Variants in SRGAP1 observed in about 807,000 individuals in gnomAD.
SRGAP1 encodes SLIT-ROBO Rho GTPase activating protein 1.
SRGAP1 carries 43 observed loss-of-function variants against 121.9 expected under a neutral mutation model. The observed-to-expected ratio is 0.35, with a 90% CI of 0.28 to 0.46. The LOEUF is 0.46. SRGAP1 is among the 20% of genes least tolerant of loss of function. The pLI, the probability that SRGAP1 is intolerant of heterozygous loss-of-function variation, is 1.00. For missense variants in SRGAP1, 1,102 were observed against 1,350.9 expected (o/e 0.82, Z 2.89); for synonymous variants, 447 against 485.4 (o/e 0.92, Z 1.04).
At chr12:64,055,480 C>T (rs1416429052) in intron 6 of SRGAP1, among the ~76,000 whole-genome samples, 1 of 151,720 alleles carries the variant, frequency 6.6e-6, no homozygotes, top group Non-Finnish European at 1.5e-5. Flanking sequence ...CAATGCCTTT[C>T]TTCACAGAAT....
chr12:63,904,463 G>C (rs1224536224), intron 1 of SRGAP1, among the ~76,000 whole-genome samples: 2 of 152,216 alleles, frequency 1.3e-5, no homozygotes, highest in African/African-American at 4.8e-5. Context: ...GTCAGGTGTT[G>C]AGGATGGAAA....
chr12:63,990,128 C>T, intron 3 of SRGAP1, 56 bp downstream of exon 3: 2 of 1,390,504 alleles, frequency 1.4e-6, no homozygotes, highest in Non-Finnish European at 2.0e-6. Flanking sequence ...TTGTCTATAA[C>T]CAGGACTGAG....
chr12:63,900,649 C>G (rs572071544), intron 1 of SRGAP1, among the ~76,000 whole-genome samples: 3 of 151,626 alleles, frequency 2.0e-5, no homozygotes, highest in Admixed American at 6.6e-5. Flanking sequence ...GCTGTCTCTA[C>G]TAAAAACACA....
chr12:64,036,124 G>C (rs2034898376), intron 4 of SRGAP1, among the ~76,000 whole-genome samples: 1 of 152,190 alleles, frequency 6.6e-6, no homozygotes, highest in Admixed American at 6.5e-5. Context: ...GGAGATTGCA[G>C]ATGTAAAGAT....
intron 21 of SRGAP1, among the ~76,000 whole-genome samples, chr12:64,137,961 A>AAAAAAATATATAT (rs372355390): frequency 1.2e-4 from 17 of 139,680 alleles, no homozygotes; most frequent in African/African-American, 4.4e-4. Context: ...TTAAAAAAAA[A>AAAAAAATATATAT]ATATATATAT....
intron 1 of SRGAP1, among the ~76,000 whole-genome samples, chr12:63,878,239 G>A (rs1900088232): frequency 6.6e-6 from 1 of 152,156 alleles, no homozygotes; most frequent in African/African-American, 2.4e-5. Flanking sequence ...TCTGTGAAGA[G>A]CCAGGGAGCA....
intron 1 of SRGAP1, among the ~76,000 whole-genome samples, chr12:63,932,514 C>T (rs538736278): frequency 3.3e-5 from 5 of 151,974 alleles, no homozygotes; most frequent in Admixed American, 2.6e-4. Context: ...TATGCATGAC[C>T]GTCATATAGA....
chr12:63,925,951 A>G (rs2136332146), intron 1 of SRGAP1, among the ~76,000 whole-genome samples: 1 of 152,312 alleles, frequency 6.6e-6, no homozygotes, highest in East Asian at 1.9e-4. Context: ...CCTAGAATGA[A>G]AACCTTCATG....
In SRGAP1 at chr12:64,128,156, G is replaced by A; in HGVS notation, c.2836G>A (p.Gly946Ser). 1 of 1,613,892 alleles carries A rather than the reference G, an allele frequency of 6.2e-7. No homozygotes were observed. Among genetic ancestry groups the A allele is most frequent in the East Asian group, 2.2e-5 (1 of 44,856 alleles). Reference sequence around the variant, plus strand: ...GTCCACGTCATCAGGGCAATACACGGGCTTCAATGACCACAAGCCACTGGA... The same window carrying A: ...GTCCACGTCATCAGGGCAATACACGAGCTTCAATGACCACAAGCCACTGGA... ...RRSTSSGQYT[G>S]FNDHKPLDPE... Residue 946 changes from glycine (G) to serine (S), a missense_variant, in exon 21 of 22, where the codon GGC becomes AGC. Transcript: ENST00000355086.
chr12:64,147,815 TAAATAAG>T lies in SRGAP1; in HGVS notation c.*5145_*5151del. 2.5e-6 allele frequency: 1 copy of T among 397,214 alleles called. No individual in the cohort carries two copies. The highest frequency in any genetic ancestry group is 4.4e-5 in the Admixed American group (1 of 22,710). The allele number at this position is 397,214 out of a possible 1,614,324, so 24.6% of individuals were successfully genotyped here. Reference sequence around the variant, plus strand: ...TGTTCTTCACGGTGTATCTTTATAATAAATAAGATAGTTCTGGCTGCCTTTGTCTGCT... The same window carrying T: ...TGTTCTTCACGGTGTATCTTTATAATATAGTTCTGGCTGCCTTTGTCTGCT... On this transcript the variant is annotated 3_prime_UTR_variant, in exon 22 of 22. Coordinates refer to ENST00000355086, the MANE Select transcript of SRGAP1 (RefSeq NM_020762.4).
At chr12:63,880,741 G>A (rs569900807) in intron 1 of SRGAP1, among the ~76,000 whole-genome samples, 3 of 152,152 alleles carry the variant, frequency 2.0e-5, no homozygotes, top group South Asian at 2.1e-4. Flanking sequence ...ATGAATCCAC[G>A]TATTTTATTA....
intron 3 of SRGAP1, among the ~76,000 whole-genome samples, chr12:63,998,163 G>A (rs1322817572): frequency 3.9e-5 from 6 of 152,156 alleles, no homozygotes; most frequent in African/African-American, 9.6e-5. Flanking sequence ...AAGTTCCTAC[G>A]GGAAGAGACC....
chr12:64,017,082 A>G (rs1255345567), intron 4 of SRGAP1, 70 bp downstream of exon 4: 2 of 890,206 alleles, frequency 2.2e-6, no homozygotes, highest in Non-Finnish European at 3.6e-6. Context: ...AACACTGCTC[A>G]TTGTAGTATT....
intron 1 of SRGAP1, among the ~76,000 whole-genome samples, chr12:63,856,482 T>C (rs1899255641): frequency 6.6e-6 from 1 of 152,156 alleles, no homozygotes; most frequent in Non-Finnish European, 1.5e-5. Context: ...AGTTTTTTAT[T>C]TTGTGTGAGC....
intron 1 of SRGAP1, among the ~76,000 whole-genome samples, chr12:63,977,642 G>GT (rs71278255): frequency 6.6e-6 from 1 of 151,092 alleles, no homozygotes; most frequent in Non-Finnish European, 1.5e-5. Flanking sequence ...GCAAGTATTA[G>GT]CAGATTTTTA....
intron 19 of SRGAP1, among the ~76,000 whole-genome samples, chr12:64,126,444 T>C (rs903526197): frequency 2.6e-5 from 4 of 152,220 alleles, no homozygotes; most frequent in African/African-American, 7.2e-5. Flanking sequence ...ACATTGGTAA[T>C]TCCAAAAACA....
chr12:63,917,559 C>T (rs1165127087), intron 1 of SRGAP1, among the ~76,000 whole-genome samples: 3 of 151,702 alleles, frequency 2.0e-5, no homozygotes, highest in Non-Finnish European at 2.9e-5. Context: ...TTCACAGCAG[C>T]GAAGGCCCTG....
At chr12:63,916,035 T>TC (rs1555239246) in intron 1 of SRGAP1, among the ~76,000 whole-genome samples, 1 of 63,302 alleles carries the variant, frequency 1.6e-5, no homozygotes, top group Non-Finnish European at 3.2e-5. Flanking sequence ...TTCTTTTCTT[T>TC]TTTTTTTTTT....
At chr12:63,974,636 T>G (rs1373131856) in intron 1 of SRGAP1, among the ~76,000 whole-genome samples, 1 of 152,318 alleles carries the variant, frequency 6.6e-6, no homozygotes, top group African/African-American at 2.4e-5. Context: ...GATGAGCCTA[T>G]GATTTTGAGC....
Sources: gnomAD v4.1 joint callset for allele counts (sites outside exome capture counted in the v4.1 genomes callset) on GRCh38, gnomAD v4.1.1 for gene constraint, MANE v1.5 for transcripts, NCBI Gene and HGNC (gene_info 2026-07-23, HGNC 2026-07-21) for gene names.